Variants in MICU1 observed in about 807,000 individuals in gnomAD.
MICU1 encodes the protein calcium uptake protein 1, mitochondrial.
In MICU1, 45 loss-of-function variants were observed where a neutral mutation model predicts 56.8. That is an observed-to-expected ratio of 0.79 (90% CI 0.62 to 1.02). The LOEUF is 1.02. MICU1 is among the 50% of genes least tolerant of loss of function. The pLI, the probability that MICU1 is intolerant of heterozygous loss-of-function variation, is 0.00. For missense variants in MICU1, 504 were observed against 587.1 expected, an observed-to-expected ratio of 0.86 and a Z score of 1.46; for synonymous variants, 186 against 195.1, an observed-to-expected ratio of 0.95 and a Z score of 0.39.
intron 6 of MICU1, among the ~76,000 whole-genome samples, chr10:72,487,145 T>C (rs754725340): frequency 7.9e-5 from 12 of 152,152 alleles, no homozygotes; most frequent in Non-Finnish European, 1.6e-4. Flanking sequence ...ATGTTGAAGA[T>C]GAAGCCCACA....
At chr10:72,447,183 A>G (rs141191996) in intron 8 of MICU1, among the ~76,000 whole-genome samples, 303 of 152,322 alleles carry the variant, frequency 2.0e-3, no homozygotes, top group African/African-American at 6.9e-3. Flanking sequence ...GGGACAAACT[A>G]TAAGGCCTGA....
chr10:72,461,106 G>A (rs181213717), intron 8 of MICU1, among the ~76,000 whole-genome samples: 4 of 152,200 alleles, frequency 2.6e-5, no homozygotes, highest in Non-Finnish European at 5.9e-5. Flanking sequence ...CTCTTGTCTT[G>A]TCTTGCTCCC....
At chr10:72,553,673 G>T (rs1026792339) in intron 3 of MICU1, among the ~76,000 whole-genome samples, 1 of 152,106 alleles carries the variant, frequency 6.6e-6, no homozygotes, top group South Asian at 2.1e-4. Context: ...GAATAAAAAA[G>T]TTAAGTCAAT....
At chr10:72,521,202 T>C (rs1395033989) in intron 5 of MICU1, among the ~76,000 whole-genome samples, 1 of 152,054 alleles carries the variant, frequency 6.6e-6, no homozygotes, top group Non-Finnish European at 1.5e-5. Context: ...AAAAAATGTA[T>C]CATAAGAACA....
chr10:72,509,264 C>G, intron 5 of MICU1: 1 of 634,874 alleles, frequency 1.6e-6, no homozygotes. Flanking sequence ...AAAGCACAAT[C>G]AAAGTAATAA....
intron 1 of MICU1, among the ~76,000 whole-genome samples, chr10:72,607,564 G>A (rs1379069448): frequency 6.8e-6 from 1 of 147,772 alleles, no homozygotes; most frequent in African/African-American, 2.5e-5. Flanking sequence ...TTGAACCTGG[G>A]AGGCAGAGGT....
chr10:72,417,674 T>C (rs757127322), intron 9 of MICU1, among the ~76,000 whole-genome samples: 1 of 152,188 alleles, frequency 6.6e-6, no homozygotes, highest in Non-Finnish European at 1.5e-5. Flanking sequence ...AAACTCTTTG[T>C]TAAATAAAAA....
rs558463475 is a variant in MICU1 at position 72,372,541 on chromosome 10, A to G, written c.1270+3242T>C. Among the ~76,000 whole-genome samples the G allele has an allele frequency of 1.6e-4, 25 of 152,042 alleles. No individual in the cohort carries two copies. The South Asian group carries it at 5.0e-3, about 30-fold the overall frequency. ...TCTAAACAGGATTCTTACACTTTGT[A>G]TAAAAAGAAGCTTGAGGCCAGGTGT... On this transcript the variant is annotated intron_variant, in intron 11 of 11. Coordinates refer to ENST00000361114, the MANE Select transcript of MICU1 (RefSeq NM_001195518.2).
At chr10:72,401,233 T>C (rs1022095327) in intron 10 of MICU1, among the ~76,000 whole-genome samples, 70 of 152,212 alleles carry the variant, frequency 4.6e-4, no homozygotes, top group African/African-American at 1.7e-3. Flanking sequence ...TGATCTTGTA[T>C]TTTTTTCCTG....
At chr10:72,565,793 G>A (rs938491337) in intron 2 of MICU1, among the ~76,000 whole-genome samples, 3 of 151,986 alleles carry the variant, frequency 2.0e-5, no homozygotes, top group Admixed American at 6.6e-5. Flanking sequence ...CAGCCTGGGC[G>A]ACAGAGCAAG....
intron 2 of MICU1, among the ~76,000 whole-genome samples, chr10:72,566,143 G>T (rs1243660040): frequency 6.8e-6 from 1 of 148,040 alleles, no homozygotes; most frequent in Non-Finnish European, 1.5e-5. Context: ...TGCCTCCCAG[G>T]TTCAAACAAT....
In MICU1 at chr10:72,556,759, A is replaced by G. The variant is rs545587463; in HGVS notation, c.331-5418T>C. 5.9e-5 allele frequency among the ~76,000 whole-genome samples: 9 copies of G among 152,106 alleles called. No homozygotes were observed. In the South Asian group the frequency reaches 1.7e-3, roughly 28 times the overall value. On this transcript the variant is annotated intron_variant, in intron 3 of 11. Coordinates refer to ENST00000361114, the MANE Select transcript of MICU1 (RefSeq NM_001195518.2). ...TATCTGTAAAAATTTCTTCTCCAAC[A>G]TATTTTGCCCATGTTGAAAAAATCT...
At chr10:72,472,852 C>A (rs189715832) in intron 8 of MICU1, among the ~76,000 whole-genome samples, 52 of 152,196 alleles carry the variant, frequency 3.4e-4, no homozygotes, top group African/African-American at 9.4e-4. Flanking sequence ...GTAATCCCAG[C>A]AGTTTGGGAG....
intron 1 of MICU1, among the ~76,000 whole-genome samples, chr10:72,603,546 A>G (rs1395870551): frequency 6.6e-6 from 1 of 151,878 alleles, no homozygotes. Flanking sequence ...GCCCAGGCAC[A>G]GTAGCTCACA....
chr10:72,576,922 T>C (rs1564943622), intron 1 of MICU1, among the ~76,000 whole-genome samples: 1 of 152,122 alleles, frequency 6.6e-6, no homozygotes, highest in Admixed American at 6.5e-5. Flanking sequence ...AAAAAAAATA[T>C]GGAACTGACC....
chr10:72,413,110 T>C (rs1054078352), intron 9 of MICU1, among the ~76,000 whole-genome samples: 1 of 151,838 alleles, frequency 6.6e-6, no homozygotes, highest in Non-Finnish European at 1.5e-5. Context: ...GGAATGAGAA[T>C]TGCATGAACC....
intron 10 of MICU1, among the ~76,000 whole-genome samples, chr10:72,391,368 G>A (rs1315780384): frequency 6.6e-6 from 1 of 152,008 alleles, no homozygotes; most frequent in Non-Finnish European, 1.5e-5. Context: ...GGAGGCGGAG[G>A]TTGCAGTGAG....
intron 6 of MICU1, among the ~76,000 whole-genome samples, chr10:72,490,267 C>T (rs556474053): frequency 6.6e-6 from 1 of 152,124 alleles, no homozygotes; most frequent in African/African-American, 2.4e-5. Context: ...TTATTACTTG[C>T]TGAACAAGAT....
intron 9 of MICU1, among the ~76,000 whole-genome samples, chr10:72,413,786 A>C (rs1170910696): frequency 6.6e-6 from 1 of 152,168 alleles, no homozygotes; most frequent in Non-Finnish European, 1.5e-5. Flanking sequence ...AACTATTATA[A>C]CTCAATATAT....
Sources: allele counts gnomAD v4.1 joint callset (sites outside exome capture counted in the v4.1 genomes callset), GRCh38; gene constraint gnomAD v4.1.1; transcripts MANE v1.5; gene names NCBI Gene and HGNC (gene_info 2026-07-23, HGNC 2026-07-21).